Variants in SCRG1 observed in about 807,000 individuals in gnomAD.
SCRG1 encodes the protein stimulator of chondrogenesis 1.
A neutral mutation model predicts 7.7 loss-of-function variants in SCRG1; 3 were observed. That is an observed-to-expected ratio of 0.39 (90% CI 0.18 to 1.01). The LOEUF (loss-of-function observed/expected upper bound fraction) is 1.01, where lower values mean the gene tolerates loss of function less well. SCRG1 is among the 50% of genes least tolerant of loss of function. SCRG1 has a pLI of 0.36. For synonymous variants in SCRG1, 46 were observed against 41.2 expected (o/e 1.12, Z -0.44); for missense variants, 110 against 117.2 (o/e 0.94, Z 0.28).
chr4:173,504,822 A>G, the SCRG1 span, among the ~76,000 whole-genome samples: 1 of 152,182 alleles, frequency 6.6e-6, no homozygotes, highest in African/African-American at 2.4e-5. This position sits in a 1 kb window ranked among gnomAD's most constrained non-coding sequence, Gnocchi z 4.7. Flanking sequence ...CAGGGGGATC[A>G]TCCTCTTCCT....
At chr4:173,467,163 A>G in the SCRG1 span, among the ~76,000 whole-genome samples, 2 of 152,230 alleles carry the variant, frequency 1.3e-5, no homozygotes, top group African/African-American at 4.8e-5. Flanking sequence ...TAAAGAAAAT[A>G]CATTTTTCTT....
chr4:173,406,318 T>C (rs1458031159), exon 1 of SCRG1: 1 of 152,216 alleles, frequency 6.6e-6, no homozygotes, highest in Non-Finnish European at 1.5e-5. Context: ...GTCTTTTACC[T>C]TTAGTTTGAC....
the SCRG1 span, among the ~76,000 whole-genome samples, chr4:173,447,131 G>A: frequency 6.6e-6 from 1 of 152,186 alleles, no homozygotes; most frequent in Non-Finnish European, 1.5e-5. Context: ...TCACAGTGCT[G>A]GAGGCTGGAA....
the SCRG1 span, among the ~76,000 whole-genome samples, chr4:173,456,240 G>C: frequency 6.6e-6 from 1 of 152,200 alleles, no homozygotes; most frequent in Non-Finnish European, 1.5e-5. Context: ...ATCTTAAGTA[G>C]AGTGTCCTTG....
the SCRG1 span, among the ~76,000 whole-genome samples, chr4:173,426,116 T>C: frequency 3.9e-5 from 6 of 152,232 alleles, no homozygotes; most frequent in Non-Finnish European, 5.9e-5. Context: ...GTCCCAAATA[T>C]TGAATGGGAC....
the SCRG1 span, among the ~76,000 whole-genome samples, chr4:173,437,616 C>G: frequency 6.6e-6 from 1 of 152,136 alleles, no homozygotes; most frequent in East Asian, 1.9e-4. Context: ...TTATTAGGGT[C>G]ATACATTAGC....
chr4:173,443,146 G>A, the SCRG1 span, among the ~76,000 whole-genome samples: 8 of 152,232 alleles, frequency 5.3e-5, no homozygotes, highest in African/African-American at 1.9e-4. Context: ...CTGGAGTGAG[G>A]CTTCTAGTTT....
At chr4:173,493,616 G>GAAAA in the SCRG1 span, among the ~76,000 whole-genome samples, 3 of 95,680 alleles carry the variant, frequency 3.1e-5, 1 homozygote, top group African/African-American at 1.1e-4. Flanking sequence ...GACTCAGTCA[G>GAAAA]AAAAAAAAAA....
chr4:173,498,222 C>A, the SCRG1 span, among the ~76,000 whole-genome samples: 1 of 152,224 alleles, frequency 6.6e-6, no homozygotes, highest in Non-Finnish European at 1.5e-5. Flanking sequence ...ATTAGAGGAA[C>A]TGAAACCTTG....
At chr4:173,486,053 A>C in the SCRG1 span, among the ~76,000 whole-genome samples, 7 of 152,156 alleles carry the variant, frequency 4.6e-5, no homozygotes, top group African/African-American at 1.7e-4. Flanking sequence ...AATTTAGCAA[A>C]TCTTGCATTC....
the SCRG1 span, among the ~76,000 whole-genome samples, chr4:173,449,992 G>A: frequency 1.3e-5 from 2 of 152,252 alleles, no homozygotes; most frequent in South Asian, 4.2e-4. Context: ...ATATCAGGCT[G>A]GTATTAGACT....
At chr4:173,513,040 C>T in the SCRG1 span, among the ~76,000 whole-genome samples, 1 of 152,184 alleles carries the variant, frequency 6.6e-6, no homozygotes, top group African/African-American at 2.4e-5. Flanking sequence ...TATGAACCAT[C>T]TATGGACTAG....
the SCRG1 span, among the ~76,000 whole-genome samples, chr4:173,473,000 T>G: frequency 6.6e-6 from 1 of 152,216 alleles, no homozygotes; most frequent in African/African-American, 2.4e-5. Flanking sequence ...ATAGAACATT[T>G]AAAGACATGC....
intron 1 of SCRG1, among the ~76,000 whole-genome samples, chr4:173,392,279 C>T (rs537063204): frequency 3.3e-5 from 5 of 152,264 alleles, no homozygotes; most frequent in Non-Finnish European, 5.9e-5. Context: ...AAATTTTTAG[C>T]AATGCTTGGA....
chr4:173,505,789 C>A, the SCRG1 span, among the ~76,000 whole-genome samples: 1 of 152,200 alleles, frequency 6.6e-6, no homozygotes, highest in Non-Finnish European at 1.5e-5. The surrounding 1 kb of genome is among the most constrained non-coding windows in gnomAD (Gnocchi z 4.4). Context: ...GGTGGAAGCA[C>A]AAATAATGAT....
the SCRG1 span, among the ~76,000 whole-genome samples, chr4:173,431,246 G>A: frequency 1.3e-5 from 2 of 152,316 alleles, no homozygotes; most frequent in East Asian, 3.9e-4. Flanking sequence ...CATAGGCTGG[G>A]GTTCAAGCAG....
the SCRG1 span, among the ~76,000 whole-genome samples, chr4:173,438,755 C>T: frequency 1.3e-5 from 2 of 150,584 alleles, no homozygotes; most frequent in Non-Finnish European, 3.0e-5. Context: ...TCAACTATTG[C>T]TTTTGGGACT....
the SCRG1 span, chr4:173,419,622 T>C: frequency 8.2e-6 from 6 of 728,748 alleles, no homozygotes; most frequent in Admixed American, 8.9e-5. Flanking sequence ...CTGTGAGGGA[T>C]AGACAAACCA....
exon 3 of SCRG1, chr4:173,404,176 C>T (rs1739838826): frequency 6.6e-6 from 1 of 152,124 alleles, no homozygotes; most frequent in South Asian, 2.1e-4. Flanking sequence ...GAAACCAAGA[C>T]AAAACTGTGC....
Sources: gnomAD v4.1 joint callset for allele counts (sites outside exome capture counted in the v4.1 genomes callset) on GRCh38, gnomAD v4.1.1 for gene constraint, Gnocchi (gnomAD v3.1) non-coding constraint, MANE v1.5 for transcripts, NCBI Gene and HGNC (gene_info 2026-07-23, HGNC 2026-07-21) for gene names.